Variants in OSTN observed in about 807,000 individuals in gnomAD.
OSTN encodes osteocrin.
A neutral mutation model predicts 12.0 loss-of-function variants in OSTN; 9 were observed. The observed-to-expected ratio is 0.75, with a 90% CI of 0.45 to 1.30. OSTN has a LOEUF of 1.30. Among genes scored for constraint, OSTN ranks in the 50% most tolerant of loss-of-function variants. The pLI is 0.00. For missense variants in OSTN, 148 were observed against 152.3 expected, an observed-to-expected ratio of 0.97 and a Z score of 0.15; for synonymous variants, 59 against 56.9, an observed-to-expected ratio of 1.04 and a Z score of -0.16.
At chr3:191,228,288 A>G (rs1229184197) in intron 3 of OSTN, among the ~76,000 whole-genome samples, 2 of 152,182 alleles carry the variant, frequency 1.3e-5, no homozygotes, top group Non-Finnish European at 2.9e-5. Context: ...CAAAATCATG[A>G]GTTTTATAAA....
chr3:191,213,596 A>C (rs1576924119), intron 2 of OSTN, among the ~76,000 whole-genome samples: 1 of 152,138 alleles, frequency 6.6e-6, no homozygotes, highest in East Asian at 1.9e-4. Flanking sequence ...ATTACAGTAC[A>C]AATATTTTCT....
At chr3:191,259,870 T>TC (rs71175392) in intron 4 of OSTN, among the ~76,000 whole-genome samples, 1 of 149,680 alleles carries the variant, frequency 6.7e-6, no homozygotes, top group Non-Finnish European at 1.5e-5. Context: ...TTTTTTTTTT[T>TC]CTTGAGACAG....
chr3:191,262,945 C>T lies in OSTN; in HGVS notation c.*92C>T. On this transcript the variant is annotated 3_prime_UTR_variant, in exon 5 of 5. Coordinates refer to ENST00000682035, the MANE Select transcript of OSTN (RefSeq NM_198184.2). ...TTATTCACACTTCTTAATGATTAAA[C>T]TTTTAAGGAACTGACCTTCTGCAAA... 1.4e-6 allele frequency: 1 copy of T among 698,826 alleles called. No homozygotes were observed. Among genetic ancestry groups the T allele is most frequent in the Non-Finnish European group, 2.6e-6 (1 of 382,346 alleles). 43.3% of individuals were successfully genotyped at this position (698,826 alleles called of 1,614,324 possible).
In OSTN at chr3:191,218,922, G is replaced by C. The variant is rs760770385; in HGVS notation, c.278G>C (p.Arg93Thr). 5.6e-6 allele frequency: 9 copies of C among 1,613,904 alleles called. No homozygotes were observed. The South Asian group carries it at 8.8e-5, about 16-fold the overall frequency. Residue 93 changes from arginine (R) to threonine (T), a missense_variant, in exon 3 of 5, where the codon AGA becomes ACA. Transcript: ENST00000682035. ...SFSGFGSPLD[R>T]LSAGSVDHKG... ...TCTGGTTTTGGGTCTCCCCTTGACA[G>C]ACTCTCAGCTGGCTCTGTAGATCAC...
chr3:191,218,658 C>A, intron 2 of OSTN, 89 bp from the exon 3 acceptor site: 2 of 1,028,946 alleles, frequency 1.9e-6, no homozygotes, highest in Non-Finnish European at 1.4e-6. Flanking sequence ...ATGAGTATGT[C>A]AGCTAACAGT....
At chr3:191,243,794 T>G (rs893614164) in intron 3 of OSTN, among the ~76,000 whole-genome samples, 2 of 152,170 alleles carry the variant, frequency 1.3e-5, no homozygotes, top group Non-Finnish European at 2.9e-5. Flanking sequence ...ATTATTTACA[T>G]GTTAATATCA....
rs183107554 is a variant in OSTN at position 191,250,000 on chromosome 3, C to T, written c.318-37C>T. ...ACAAAAATAATGATCAATAACTTGC[C>T]CTTTAGTTTAAAAATGTCCTCCTTG... is the stretch of plus-strand genomic sequence containing the variant. On this transcript the variant is annotated intron_variant, in intron 3 of 4. Transcript: ENST00000682035. The T allele has an allele frequency of 7.1e-4, 1,025 of 1,444,106 alleles. 4 individuals are homozygous for T. In the African/African-American group the frequency reaches 0.012, roughly 17 times the overall value. 89.5% of individuals were successfully genotyped at this position (1,444,106 alleles called of 1,614,324 possible). A position where few individuals can be genotyped will look rare whatever the true frequency, so the allele number is the denominator to read the frequency against.
chr3:191,222,231 TG>T (rs1192384383), intron 3 of OSTN, among the ~76,000 whole-genome samples: 5 of 152,158 alleles, frequency 3.3e-5, no homozygotes, highest in African/African-American at 1.2e-4. Context: ...TGCCTAGTAG[TG>T]TTGTGAAAAG....
At chr3:191,236,922 T>C (rs1025340642) in intron 3 of OSTN, among the ~76,000 whole-genome samples, 8 of 152,216 alleles carry the variant, frequency 5.3e-5, no homozygotes, top group Non-Finnish European at 2.9e-5. Flanking sequence ...CACATTTTAT[T>C]ATGTTTTCGG....
intron 1 of OSTN, among the ~76,000 whole-genome samples, chr3:191,204,211 C>G (rs1213309320): frequency 6.6e-6 from 1 of 151,980 alleles, no homozygotes; most frequent in Non-Finnish European, 1.5e-5. Flanking sequence ...TTTTTTTTAA[C>G]GGGAAATGTT....
At chr3:191,200,361 T>A (rs1370551350) in intron 1 of OSTN, among the ~76,000 whole-genome samples, 1 of 152,174 alleles carries the variant, frequency 6.6e-6, no homozygotes, top group African/African-American at 2.4e-5. Flanking sequence ...TCAGGATTTT[T>A]AACTGATTCT....
intron 1 of OSTN, among the ~76,000 whole-genome samples, chr3:191,202,057 A>G (rs1286713502): frequency 6.6e-6 from 1 of 152,182 alleles, no homozygotes; most frequent in Non-Finnish European, 1.5e-5. Context: ...TTAAGAGTCA[A>G]CCTGTTTCTA....
At chr3:191,227,070 A>C (rs1714930443) in intron 3 of OSTN, among the ~76,000 whole-genome samples, 1 of 152,146 alleles carries the variant, frequency 6.6e-6, no homozygotes, top group South Asian at 2.1e-4. Context: ...GTAAAAACTC[A>C]AAGAATAAAC....
intron 1 of OSTN, among the ~76,000 whole-genome samples, chr3:191,209,824 T>C (rs1256294375): frequency 6.6e-6 from 1 of 152,132 alleles, no homozygotes; most frequent in Non-Finnish European, 1.5e-5. Flanking sequence ...TTATTTTTTT[T>C]CCATTTCTTG....
chr3:191,208,872 A>T (rs1397876186), intron 1 of OSTN, among the ~76,000 whole-genome samples: 1 of 152,342 alleles, frequency 6.6e-6, no homozygotes, highest in East Asian at 1.9e-4. Flanking sequence ...AAAAAGATAT[A>T]TCAGGCCAGA....
chr3:191,262,601 GT>G (rs1413757044), intron 4 of OSTN, among the ~76,000 whole-genome samples: 1 of 152,292 alleles, frequency 6.6e-6, no homozygotes, highest in African/African-American at 2.4e-5. Flanking sequence ...GAAAGGAGCT[GT>G]GAAAAAGACT....
At chr3:191,200,374 T>C (rs894928919) in intron 1 of OSTN, among the ~76,000 whole-genome samples, 13 of 152,120 alleles carry the variant, frequency 8.5e-5, no homozygotes, top group Non-Finnish European at 1.5e-4. Flanking sequence ...CTGATTCTTA[T>C]ATACTGAATA....
At chr3:191,226,381 A>G (rs144611838) in intron 3 of OSTN, among the ~76,000 whole-genome samples, 7 of 152,300 alleles carry the variant, frequency 4.6e-5, no homozygotes, top group Admixed American at 1.3e-4. Context: ...GAACTGAGAA[A>G]CACTTTTTAA....
At chr3:191,210,974 T>A (rs1714403950) in intron 1 of OSTN, among the ~76,000 whole-genome samples, 1 of 152,218 alleles carries the variant, frequency 6.6e-6, no homozygotes, top group African/African-American at 2.4e-5. Context: ...TAGTGGCTTT[T>A]TAATCTAAAA....
Sources: allele counts gnomAD v4.1 joint callset (sites outside exome capture counted in the v4.1 genomes callset), GRCh38; gene constraint gnomAD v4.1.1; transcripts MANE v1.5; gene names NCBI Gene and HGNC (gene_info 2026-07-23, HGNC 2026-07-21).